TSKU: variants seen among roughly 807,000 people sequenced by gnomAD.
The protein encoded by TSKU is tsukushi.
A neutral mutation model predicts 11.2 loss-of-function variants in TSKU; 4 were observed. That is an observed-to-expected ratio of 0.36 (90% CI 0.18 to 0.82). TSKU has a LOEUF of 0.82. TSKU is among the 40% of genes least tolerant of loss of function. The probability of loss-of-function intolerance (pLI) is 0.50; values close to 1 mark genes in which losing one functional copy is unlikely to be tolerated. For missense variants in TSKU, 407 were observed against 482.5 expected (o/e 0.84, Z 1.47); for synonymous variants, 220 against 232.2 (o/e 0.95, Z 0.48).
chr11:76,797,697 G>T lies in TSKU; in HGVS notation c.*1019G>T. 1 of 167,182 alleles carries T rather than the reference G, an allele frequency of 6.0e-6. No homozygotes were observed. 10.4% of individuals were successfully genotyped at this position (167,182 alleles called of 1,614,324 possible). On this transcript the variant is annotated 3_prime_UTR_variant, in exon 2 of 2. Transcript: ENST00000333090. ...ATCTCCAAGGGGCCTCCTGGATTCA[G>T]TCCCCACTGGCCCTGAGCACGACAG...
intron 1 of TSKU, among the ~76,000 whole-genome samples, chr11:76,785,694 T>G (rs1944304867): frequency 1.3e-5 from 2 of 152,150 alleles, no homozygotes; most frequent in South Asian, 4.2e-4. Flanking sequence ...AAGGGGGATT[T>G]GAGCCTGTAG....
intron 1 of TSKU, among the ~76,000 whole-genome samples, chr11:76,789,439 C>T (rs376861354): frequency 1.2e-4 from 19 of 152,162 alleles, no homozygotes; most frequent in African/African-American, 1.7e-4. Context: ...GCAGTGTGTG[C>T]GGTGTCACCT....
rs1365529781 is a variant in TSKU, at chr11:76,796,677, GACAAATGGTGTGGCCCAGGGCC to G, written c.*3_*24del. 1.4e-6 allele frequency: 2 copies of G among 1,448,618 alleles called. No homozygotes were observed. The highest frequency in any genetic ancestry group is 2.9e-5 in the African/African-American group (2 of 69,644). 89.7% of individuals were successfully genotyped at this position (1,448,618 alleles called of 1,614,324 possible). On this transcript the variant is annotated stop_retained_variant and 3_prime_UTR_variant, in exon 2 of 2. Transcript: ENST00000333090. The surrounding 1 kb of genome is among the most constrained non-coding windows in gnomAD (Gnocchi z 4.1). ...GCTGCCAGGGGCCCCACCATCTTGT[GACAAATGGTGTGGCCCAGGGCC>G]ACATAACAGACTGCTGTCCTGGGCT...
At chr11:76,785,181 A>G (rs897582877) in intron 1 of TSKU, among the ~76,000 whole-genome samples, 3 of 152,240 alleles carry the variant, frequency 2.0e-5, no homozygotes, top group African/African-American at 7.2e-5. Context: ...AAATGAGTCA[A>G]AAATGGAGAG....
chr11:76,794,360 T>C (rs1239661251), intron 1 of TSKU, among the ~76,000 whole-genome samples: 1 of 152,170 alleles, frequency 6.6e-6, no homozygotes, highest in East Asian at 1.9e-4. Context: ...ACCACTGTAA[T>C]TGTACAGAGG....
intron 1 of TSKU, among the ~76,000 whole-genome samples, chr11:76,787,714 C>G (rs2134388815): frequency 6.6e-6 from 1 of 152,292 alleles, no homozygotes; most frequent in South Asian, 2.1e-4. Flanking sequence ...AAAAAGGAAC[C>G]TAATCGCATC....
At chr11:76,795,543 C>T (rs1186536769) in intron 1 of TSKU, 66 bp from the exon 2 acceptor site, 7 of 1,545,474 alleles carry the variant, frequency 4.5e-6, no homozygotes, top group East Asian at 2.3e-5. Flanking sequence ...AGACTGGGCT[C>T]ATGTCCTGTG....
At chr11:76,795,089 C>T (rs1265735677) in intron 1 of TSKU, among the ~76,000 whole-genome samples, 2 of 152,204 alleles carry the variant, frequency 1.3e-5, no homozygotes, top group Non-Finnish European at 1.5e-5. Context: ...CAGTGCCTGA[C>T]GTGTAACACT....
chr11:76,792,864 G>A (rs886182434), intron 1 of TSKU: 1 of 152,628 alleles, frequency 6.6e-6, no homozygotes, highest in African/African-American at 2.4e-5. Context: ...ACTTCCCAGA[G>A]TTGCACAGTG....
At chr11:76,786,308 G>A (rs1160907551) in intron 1 of TSKU, among the ~76,000 whole-genome samples, 20 of 152,266 alleles carry the variant, frequency 1.3e-4, no homozygotes, top group African/African-American at 4.3e-4. Flanking sequence ...GGCCATGGGC[G>A]CTCACAGGAT....
At chr11:76,790,652 T>C (rs1276947940) in intron 1 of TSKU, among the ~76,000 whole-genome samples, 3 of 152,172 alleles carry the variant, frequency 2.0e-5, no homozygotes, top group Non-Finnish European at 4.4e-5. Flanking sequence ...GCCACTGCCA[T>C]GTAAGAAGTG....
rs1944448011 is a variant in TSKU, at chr11:76,796,311, C to T, written c.695C>T (p.Thr232Ile). 1 of 1,613,340 alleles carries T rather than the reference C, an allele frequency of 6.2e-7. No homozygotes were observed. Among genetic ancestry groups the T allele is most frequent in the South Asian group, 1.1e-5 (1 of 91,078 alleles). Residue 232 changes from threonine (T) to isoleucine (I), a missense_variant, in exon 2 of 2, where the codon ACA becomes ATA. Coordinates refer to ENST00000333090, the MANE Select transcript of TSKU (RefSeq NM_015516.4). The surrounding 1 kb of genome is among the most constrained non-coding windows in gnomAD (Gnocchi z 4.1). ...PGAFAGLGGL[T>I]HLSLASLQRL... is the part of the protein sequence containing the mutation. The stretch of plus-strand genomic sequence containing the variant: ...GCCTTCGCGGGGCTGGGAGGCCTTA[C>T]ACACCTGTCTCTGGCCAGCCTGCAG...
At chr11:76,785,667 T>G (rs1185003907) in intron 1 of TSKU, among the ~76,000 whole-genome samples, 1 of 152,196 alleles carries the variant, frequency 6.6e-6, no homozygotes, top group Non-Finnish European at 1.5e-5. Flanking sequence ...CACCAAGGCC[T>G]TGAATGTCAG....
chr11:76,796,414 G>C lies in TSKU; in HGVS notation c.798G>C (p.Lys266Asn). Residue 266 changes from lysine to asparagine, a missense_variant, in exon 2 of 2, where the codon AAG becomes AAC. Coordinates refer to ENST00000333090, the MANE Select transcript of TSKU (RefSeq NM_015516.4). The surrounding 1 kb of genome is among the most constrained non-coding windows in gnomAD (Gnocchi z 4.1). ...TCCTGGACCTGTCGGGCAACCCCAA[G>C]CTTAACTGGGCAGGAGCTGAGGTGT... ...LQVLDLSGNPKLNWAGAEVFS... is the reference protein window; with the variant it reads ...LQVLDLSGNPNLNWAGAEVFS... The C allele has an allele frequency of 1.2e-6, 2 of 1,613,566 alleles. No individual in the cohort carries two copies. Among genetic ancestry groups the C allele is most frequent in the Non-Finnish European group, 1.7e-6 (2 of 1,179,972 alleles).
rs918184264 is a variant in TSKU at position 76,796,655 on chromosome 11, G to A, written c.1039G>A (p.Ala347Thr). The change falls in exon 2 of 2, where the codon GCC becomes ACC. Residue 347 changes from alanine to threonine, a missense_variant. By Grantham distance (58) the Ala-to-Thr change is moderately conservative. Transcript: ENST00000333090. The surrounding 1 kb of genome is among the most constrained non-coding windows in gnomAD (Gnocchi z 4.1). ...CTGCGTAGACACCCGGGATTCTGCT[G>A]CCAGGGGCCCCACCATCTTGTGACA... ...LHCVDTRDSA[A>T]RGPTIL 3.4e-6 allele frequency: 5 copies of A among 1,450,016 alleles called. No homozygotes were observed. Among genetic ancestry groups the A allele is most frequent in the African/African-American group, 2.9e-5 (2 of 69,696 alleles). 89.8% of individuals were successfully genotyped at this position (1,450,016 alleles called of 1,614,324 possible). A position where few individuals can be genotyped will look rare whatever the true frequency, so the allele number is the denominator to read the frequency against.
intron 1 of TSKU, among the ~76,000 whole-genome samples, chr11:76,789,736 C>T (rs1944346580): frequency 6.6e-6 from 1 of 152,178 alleles, no homozygotes; most frequent in Non-Finnish European, 1.5e-5. Flanking sequence ...ACTGAAAGAT[C>T]CCTTTCTCCC....
upstream of TSKU, chr11:76,782,859 T>TC (rs1944251681): frequency 6.6e-6 from 1 of 151,914 alleles, no homozygotes; most frequent in East Asian, 1.9e-4. Context: ...CTTTCACTCT[T>TC]TAAAAAAAAA....
chr11:76,794,753 T>C (rs1211571057), intron 1 of TSKU, among the ~76,000 whole-genome samples: 1 of 152,098 alleles, frequency 6.6e-6, no homozygotes, highest in Non-Finnish European at 1.5e-5. Context: ...GACACCCACG[T>C]TGGACACCAG....
intron 1 of TSKU, among the ~76,000 whole-genome samples, chr11:76,790,951 C>G (rs565203361): frequency 2.0e-5 from 3 of 152,274 alleles, no homozygotes; most frequent in Admixed American, 6.5e-5. Context: ...TTCCTAGAGA[C>G]TTATTGAATG....
Sources: allele counts gnomAD v4.1 joint callset (sites outside exome capture counted in the v4.1 genomes callset), GRCh38; gene constraint gnomAD v4.1.1; non-coding constraint Gnocchi (gnomAD v3.1); transcripts MANE v1.5; gene names NCBI Gene and HGNC (gene_info 2026-07-23, HGNC 2026-07-21).